SDK1: variants seen among roughly 807,000 people sequenced by gnomAD.
SDK1 encodes protein sidekick-1.
A neutral mutation model predicts 245.5 loss-of-function variants in SDK1; 157 were observed. The observed-to-expected ratio is 0.64, with a 90% CI of 0.56 to 0.73. The LOEUF (loss-of-function observed/expected upper bound fraction) is 0.73, where lower values mean the gene tolerates loss of function less well. Among genes scored for constraint, SDK1 ranks in the 30% least tolerant of loss-of-function variants. The probability of loss-of-function intolerance (pLI) is 0.00; values close to 1 mark genes in which losing one functional copy is unlikely to be tolerated. For missense variants in SDK1, 3,583 were observed against 3,002.3 expected (o/e 1.19, Z -4.52); for synonymous variants, 1,647 against 1,278.5 (o/e 1.29, Z -6.15).
At chr7:4,017,454 G>A (rs576029580) in intron 17 of SDK1, 102 bp downstream of exon 17, 5 of 1,004,996 alleles carry the variant, frequency 5.0e-6, no homozygotes, top group Non-Finnish European at 7.2e-6. Flanking sequence ...AGAGAATCCA[G>A]TCCCCTAGGG....
intron 1 of SDK1, among the ~76,000 whole-genome samples, chr7:3,347,359 A>AT (rs1780536473): frequency 6.6e-6 from 1 of 152,078 alleles, no homozygotes; most frequent in African/African-American, 2.4e-5. Flanking sequence ...TATATATGAT[A>AT]TGTTGGATAC....
chr7:4,175,939 C>G (rs1384097245), intron 34 of SDK1, 105 bp downstream of exon 34: 1 of 951,304 alleles, frequency 1.1e-6, no homozygotes, highest in African/African-American at 1.6e-5. Flanking sequence ...ATTAATGGCT[C>G]CAGTTCTGGA....
In SDK1 at chr7:4,220,247, A is replaced by G. The variant is rs149005994; in HGVS notation, c.5678A>G (p.Asn1893Ser). 6.1e-4 allele frequency: 984 copies of G among 1,613,890 alleles called. 1 individual carries two copies. The highest frequency in any genetic ancestry group is 1.1e-3 in the African/African-American group (84 of 75,042). Residue 1893 changes from asparagine (N) to serine (S), a missense_variant, in exon 39 of 45, where the codon AAT becomes AGT. Physicochemically the swap from Asn to Ser is conservative, Grantham distance 46 (BLOSUM62 1). Coordinates refer to ENST00000404826, the MANE Select transcript of SDK1 (RefSeq NM_152744.4). ...TITYGPELQANITAGPAEGSP... is the reference protein window; with the variant it reads ...TITYGPELQASITAGPAEGSP... ...ACCTACGGGCCCGAGCTCCAAGCCA[A>G]TATCACAGCCGGGCCAGCCGAGGGT...
At chr7:3,444,054 A>G (rs998684756) in intron 1 of SDK1, among the ~76,000 whole-genome samples, 24 of 152,236 alleles carry the variant, frequency 1.6e-4, no homozygotes, top group Non-Finnish European at 2.6e-4. Flanking sequence ...TGCCTGCGCC[A>G]GCTCTCTCCC....
At chr7:3,680,781 A>G (rs1321029874) in intron 4 of SDK1, among the ~76,000 whole-genome samples, 2 of 152,186 alleles carry the variant, frequency 1.3e-5, no homozygotes, top group Non-Finnish European at 2.9e-5. Context: ...CTTCCTCTTA[A>G]AGGCAACAGC....
chr7:4,133,418 C>T (rs953874488), intron 28 of SDK1, among the ~76,000 whole-genome samples: 3 of 152,144 alleles, frequency 2.0e-5, no homozygotes, highest in African/African-American at 4.8e-5. Flanking sequence ...CTCAAGTTGC[C>T]CACAGTCCCG....
At chr7:3,629,304 AAAAAAAAG>A (rs1461160004) in intron 2 of SDK1, among the ~76,000 whole-genome samples, 92 of 88,190 alleles carry the variant, frequency 1.0e-3, no homozygotes, top group Non-Finnish European at 2.3e-3. Flanking sequence ...CAGTCTCAAA[AAAAAAAAG>A]AAAAAAAAGA....
chr7:3,866,510 C>A (rs993752593), intron 5 of SDK1, among the ~76,000 whole-genome samples: 2 of 151,332 alleles, frequency 1.3e-5, no homozygotes, highest in African/African-American at 4.9e-5. Flanking sequence ...GGAAAGAAGG[C>A]CAGAATAGCT....
intron 17 of SDK1, among the ~76,000 whole-genome samples, chr7:4,035,540 C>G (rs1788145588): frequency 6.6e-6 from 1 of 152,096 alleles, no homozygotes; most frequent in Admixed American, 6.5e-5. Flanking sequence ...GTCTTTAAGA[C>G]AGTTGCATGA....
chr7:3,835,380 C>A (rs1181949103), intron 5 of SDK1, among the ~76,000 whole-genome samples: 2 of 152,178 alleles, frequency 1.3e-5, no homozygotes, highest in African/African-American at 4.8e-5. Flanking sequence ...AATCATGCTG[C>A]TTCTGGATAC....
intron 4 of SDK1, among the ~76,000 whole-genome samples, chr7:3,642,388 G>T (rs186467677): frequency 6.6e-6 from 1 of 152,118 alleles, no homozygotes; most frequent in Non-Finnish European, 1.5e-5. Context: ...TCTTTTCTGA[G>T]TGTACTTTTT....
chr7:3,862,138 C>T (rs369628049), intron 5 of SDK1, among the ~76,000 whole-genome samples: 6 of 152,240 alleles, frequency 3.9e-5, no homozygotes, highest in South Asian at 4.1e-4. Flanking sequence ...CATCTACTTA[C>T]GCAATGCTTA....
At chr7:3,894,560 C>T (rs1175663763) in intron 5 of SDK1, among the ~76,000 whole-genome samples, 1 of 152,066 alleles carries the variant, frequency 6.6e-6, no homozygotes, top group Admixed American at 6.6e-5. Context: ...AGTTTGCAGC[C>T]CAGAGATGCT....
intron 5 of SDK1, among the ~76,000 whole-genome samples, chr7:3,883,600 G>A (rs548055494): frequency 3.3e-5 from 5 of 152,160 alleles, no homozygotes; most frequent in Non-Finnish European, 5.9e-5. Context: ...ACCCCAGATC[G>A]TGCAGGCCTT....
intron 25 of SDK1, among the ~76,000 whole-genome samples, chr7:4,114,484 G>A (rs754477678): frequency 6.6e-6 from 1 of 152,152 alleles, no homozygotes. Context: ...GGAAACTGGT[G>A]ATGATTTCCA....
At chr7:3,493,673 C>A (rs1282912723) in intron 1 of SDK1, among the ~76,000 whole-genome samples, 1 of 152,212 alleles carries the variant, frequency 6.6e-6, no homozygotes, top group Non-Finnish European at 1.5e-5. Context: ...GCTAGGCCTT[C>A]TCACTTTCAA....
intron 5 of SDK1, among the ~76,000 whole-genome samples, chr7:3,949,624 C>T (rs1780717161): frequency 2.0e-5 from 3 of 152,122 alleles, no homozygotes; most frequent in Non-Finnish European, 2.9e-5. Context: ...TTATTGAAAT[C>T]CCTGTTCTAG....
chr7:3,971,049 C>G (rs1010648827), intron 11 of SDK1, among the ~76,000 whole-genome samples: 1 of 152,184 alleles, frequency 6.6e-6, no homozygotes, highest in African/African-American at 2.4e-5. Flanking sequence ...ACAAGAGTGT[C>G]TTGAGGAATA....
chr7:4,102,138 T>A (rs1250222655), intron 22 of SDK1, among the ~76,000 whole-genome samples: 1 of 152,174 alleles, frequency 6.6e-6, no homozygotes, highest in Non-Finnish European at 1.5e-5. Flanking sequence ...CAGCACAGCG[T>A]CGAGTCCCCT....
Sources: gnomAD v4.1 joint callset for allele counts (sites outside exome capture counted in the v4.1 genomes callset) on GRCh38, gnomAD v4.1.1 for gene constraint, MANE v1.5 for transcripts, NCBI Gene and HGNC (gene_info 2026-07-23, HGNC 2026-07-21) for gene names.